The following ATRNL1 variants were observed in gnomAD, a reference collection of about 807,000 sequenced individuals.
The protein encoded by ATRNL1 is attractin-like protein 1.
A neutral mutation model predicts 182.7 loss-of-function variants in ATRNL1; 95 were observed. That is an observed-to-expected ratio of 0.52 (90% CI 0.44 to 0.62). The LOEUF is 0.62. ATRNL1 is among the 20% of genes least tolerant of loss of function. ATRNL1 has a pLI of 0.00. For synonymous variants in ATRNL1, 576 were observed against 568.3 expected, an observed-to-expected ratio of 1.01 and a Z score of -0.19; for missense variants, 1,471 against 1,679.5, an observed-to-expected ratio of 0.88 and a Z score of 2.17.
chr10:115,822,736 A>G (rs1950333627), intron 27 of ATRNL1, among the ~76,000 whole-genome samples: 1 of 152,214 alleles, frequency 6.6e-6, no homozygotes, highest in Admixed American at 6.5e-5. Context: ...ACCAGAAAGA[A>G]GTCGAATCCC....
intron 23 of ATRNL1, among the ~76,000 whole-genome samples, chr10:115,468,262 G>A (rs1305749783): frequency 6.6e-6 from 1 of 150,688 alleles, no homozygotes; most frequent in Non-Finnish European, 1.5e-5. Context: ...GTTTAAAAAT[G>A]TGTCTACAAA....
chr10:115,570,223 A>G (rs1455569469), intron 26 of ATRNL1, among the ~76,000 whole-genome samples: 1 of 152,084 alleles, frequency 6.6e-6, no homozygotes, highest in Non-Finnish European at 1.5e-5. Context: ...TGGCTTCCCA[A>G]AGTGCTGGGA....
At chr10:115,814,318 C>T (rs1476947174) in intron 27 of ATRNL1, among the ~76,000 whole-genome samples, 2 of 151,502 alleles carry the variant, frequency 1.3e-5, no homozygotes, top group African/African-American at 4.9e-5. Context: ...AGTTACTTGC[C>T]CCACAAAATA....
intron 27 of ATRNL1, among the ~76,000 whole-genome samples, chr10:115,823,652 A>C (rs1404036188): frequency 6.6e-6 from 1 of 152,180 alleles, no homozygotes; most frequent in Non-Finnish European, 1.5e-5. Flanking sequence ...CAGAGAACCA[A>C]ATCATGAGTG....
chr10:115,194,158 G>A (rs1337171213), intron 8 of ATRNL1, among the ~76,000 whole-genome samples: 1 of 152,006 alleles, frequency 6.6e-6, no homozygotes, highest in African/African-American at 2.4e-5. Flanking sequence ...CTGAGGAGAA[G>A]AATGTGTATT....
intron 19 of ATRNL1, among the ~76,000 whole-genome samples, chr10:115,393,473 C>T (rs1844132596): frequency 6.6e-6 from 1 of 152,148 alleles, no homozygotes; most frequent in Non-Finnish European, 1.5e-5. Context: ...TTATATGGCT[C>T]TACAATTCAG....
intron 26 of ATRNL1, among the ~76,000 whole-genome samples, chr10:115,684,261 T>G (rs1555045650): frequency 2.0e-5 from 3 of 151,342 alleles, no homozygotes; most frequent in African/African-American, 7.2e-5. Context: ...TAACAAGATA[T>G]TTCTACAAAT....
chr10:115,309,792 G>T (rs1434052637), intron 17 of ATRNL1, among the ~76,000 whole-genome samples: 1 of 151,632 alleles, frequency 6.6e-6, no homozygotes, highest in Non-Finnish European at 1.5e-5. Flanking sequence ...CATATCATTG[G>T]CAAAAAAGGG....
chr10:115,167,787 T>A (rs1847113599), intron 7 of ATRNL1, among the ~76,000 whole-genome samples: 1 of 152,152 alleles, frequency 6.6e-6, no homozygotes, highest in Admixed American at 6.6e-5. Context: ...TTTCCCTTTT[T>A]GTAACAGCCT....
At chr10:115,204,635 C>A (rs979275898) in intron 8 of ATRNL1, among the ~76,000 whole-genome samples, 2 of 151,896 alleles carry the variant, frequency 1.3e-5, no homozygotes, top group Non-Finnish European at 2.9e-5. Context: ...TGGGATATAT[C>A]CCATTTTATC....
intron 27 of ATRNL1, among the ~76,000 whole-genome samples, chr10:115,759,340 G>A (rs1555072934): frequency 6.6e-6 from 1 of 152,106 alleles, no homozygotes; most frequent in Non-Finnish European, 1.5e-5. Context: ...ATTTCGCACT[G>A]GTGATCCATT....
chr10:115,342,879 GATATAT>G (rs1855814203), intron 19 of ATRNL1, among the ~76,000 whole-genome samples: 1 of 151,894 alleles, frequency 6.6e-6, no homozygotes, highest in Non-Finnish European at 1.5e-5. Context: ...TACATTTTAG[GATATAT>G]ATACATTTCA....
intron 7 of ATRNL1, among the ~76,000 whole-genome samples, chr10:115,169,268 G>A (rs938979916): frequency 7.5e-5 from 11 of 147,204 alleles, no homozygotes; most frequent in African/African-American, 2.5e-4. Flanking sequence ...GTGCAGTAGT[G>A]TAATCTTGGC....
intron 28 of ATRNL1, among the ~76,000 whole-genome samples, chr10:115,921,203 G>C (rs1953048754): frequency 6.6e-6 from 1 of 152,120 alleles, no homozygotes; most frequent in Admixed American, 6.5e-5. Context: ...GCTTTTGAAA[G>C]TAAAGGAAGC....
intron 25 of ATRNL1, among the ~76,000 whole-genome samples, chr10:115,525,218 T>C (rs1592784968): frequency 6.6e-6 from 1 of 152,200 alleles, no homozygotes; most frequent in African/African-American, 2.4e-5. Flanking sequence ...ATAGTACCAC[T>C]GTTGGCTGCC....
intron 18 of ATRNL1, among the ~76,000 whole-genome samples, chr10:115,329,437 T>C (rs11197167): frequency 0.22 from 33,043 of 152,052 alleles, 4,590 homozygotes; most frequent in Non-Finnish European, 0.31. Context: ...TTTCCCCATA[T>C]ATTTTCTGCC....
chr10:115,625,382 AAAT>A (rs1555024326), intron 26 of ATRNL1, among the ~76,000 whole-genome samples: 5 of 152,214 alleles, frequency 3.3e-5, no homozygotes. Context: ...ACTAAGAAGC[AAAT>A]AATAATTTGT....
At chr10:115,543,015 C>T (rs570779529) in intron 25 of ATRNL1, among the ~76,000 whole-genome samples, 2 of 152,312 alleles carry the variant, frequency 1.3e-5, no homozygotes, top group East Asian at 3.9e-4. Context: ...TCTTCAAATA[C>T]AGCCACACTG....
chr10:115,619,535 C>A (rs1227014666), intron 26 of ATRNL1, among the ~76,000 whole-genome samples: 4 of 152,172 alleles, frequency 2.6e-5, no homozygotes, highest in Non-Finnish European at 5.9e-5. Context: ...ATCCGTAGTG[C>A]TATTGACAGA....
Sources: gnomAD v4.1 joint callset for allele counts (sites outside exome capture counted in the v4.1 genomes callset) on GRCh38, gnomAD v4.1.1 for gene constraint, MANE v1.5 for transcripts, NCBI Gene and HGNC (gene_info 2026-07-23, HGNC 2026-07-21) for gene names.